Variants in ENTPD1 observed in about 807,000 individuals in gnomAD.
ENTPD1 encodes the protein ectonucleoside triphosphate diphosphohydrolase 1.
In ENTPD1, 33 loss-of-function variants were observed where a neutral mutation model predicts 57.0. The observed-to-expected ratio is 0.58, with a 90% CI of 0.44 to 0.77. The LOEUF is 0.77. ENTPD1 is among the 30% of genes least tolerant of loss of function. The pLI is 0.00. For synonymous variants in ENTPD1, 202 were observed against 218.8 expected (o/e 0.92, Z 0.68); for missense variants, 501 against 603.4 (o/e 0.83, Z 1.78).
At chr10:95,760,893 G>A (rs1432939062) in intron 1 of ENTPD1, among the ~76,000 whole-genome samples, 1 of 132,156 alleles carries the variant, frequency 7.6e-6, no homozygotes, top group African/African-American at 2.9e-5. Flanking sequence ...GCAGTGGCGC[G>A]ATCTCAGCTC....
chr10:95,835,275 C>CT (rs1385316753), intron 2 of ENTPD1, among the ~76,000 whole-genome samples: 2 of 152,146 alleles, frequency 1.3e-5, no homozygotes, highest in African/African-American at 4.8e-5. Flanking sequence ...TGATTTCATT[C>CT]TTTTTTATGG....
Position 95,876,566 on chromosome 10 carries a change from G to C in ENTPD1, c.*10183G>C. 8.1e-7 allele frequency: 1 copy of C among 1,231,004 alleles called. No homozygotes were observed. Among genetic ancestry groups the C allele is most frequent in the Non-Finnish European group, 1.0e-6 (1 of 987,572 alleles). The allele number at this position is 1,231,004 out of a possible 1,614,324, so 76.3% of individuals were successfully genotyped here. Reference sequence around the variant, plus strand: ...TCTTCTTGGAGTACTCATGAAGATGGAAGTCTACATGGAGAATACAGGATG... The same window carrying C: ...TCTTCTTGGAGTACTCATGAAGATGCAAGTCTACATGGAGAATACAGGATG... On this transcript the variant is annotated 3_prime_UTR_variant, in exon 10 of 10. Coordinates refer to ENST00000371205, the MANE Select transcript of ENTPD1 (RefSeq NM_001776.6).
At chr10:95,770,754 G>T (rs1487071239) in intron 1 of ENTPD1, among the ~76,000 whole-genome samples, 1 of 152,112 alleles carries the variant, frequency 6.6e-6, no homozygotes. Context: ...GGAGGATTAG[G>T]GCTGGGGAGG....
At chr10:95,724,995 T>C (rs1297658430) in intron 1 of ENTPD1, among the ~76,000 whole-genome samples, 1 of 152,230 alleles carries the variant, frequency 6.6e-6, no homozygotes, top group African/African-American at 2.4e-5. Context: ...TTGGGACACT[T>C]GAAATGGTCC....
At position 95,874,008 on chromosome 10, in the gene ENTPD1, T is replaced by A. The variant is rs558607967; in HGVS notation, c.*7625T>A. Among the ~76,000 whole-genome samples, 16 of 152,298 alleles carry A rather than the reference T, an allele frequency of 1.1e-4. No homozygotes were observed. Among genetic ancestry groups the A allele is most frequent in the African/African-American group, 3.4e-4 (14 of 41,558 alleles). ...CATGTGGGAATTCTGGGAGATACAA[T>A]TCAAGTTGAGATTTGGGTGGGGACA... On this transcript the variant is annotated 3_prime_UTR_variant, in exon 10 of 10. Coordinates refer to ENST00000371205, the MANE Select transcript of ENTPD1 (RefSeq NM_001776.6).
At chr10:95,727,324 A>G (rs908914557) in intron 1 of ENTPD1, among the ~76,000 whole-genome samples, 3 of 152,204 alleles carry the variant, frequency 2.0e-5, no homozygotes, top group African/African-American at 7.2e-5. Context: ...TTTATTCTCT[A>G]GAAATTTTTT....
intron 1 of ENTPD1, among the ~76,000 whole-genome samples, chr10:95,767,704 G>A (rs1360483719): frequency 6.6e-6 from 1 of 151,920 alleles, no homozygotes; most frequent in Admixed American, 6.6e-5. Flanking sequence ...AAGGGGATCA[G>A]TGTTATAAAA....
intron 1 of ENTPD1, among the ~76,000 whole-genome samples, chr10:95,765,295 T>G (rs2098084323): frequency 6.6e-6 from 1 of 152,250 alleles, no homozygotes; most frequent in Non-Finnish European, 1.5e-5. Flanking sequence ...CATCTATATT[T>G]TCTTCAAAGA....
intron 7 of ENTPD1, among the ~76,000 whole-genome samples, chr10:95,852,644 C>T (rs11498722): frequency 0.15 from 23,489 of 152,178 alleles, 2,296 homozygotes; most frequent in African/African-American, 0.26. Context: ...CAGCTTTCTA[C>T]GTATGGCTAG....
At chr10:95,863,188 AAGG>A (rs1405523908) in intron 8 of ENTPD1, among the ~76,000 whole-genome samples, 2 of 152,186 alleles carry the variant, frequency 1.3e-5, no homozygotes, top group Non-Finnish European at 2.9e-5. Flanking sequence ...AGATTTCCAG[AAGG>A]AGGAGGGGAA....
chr10:95,781,448 T>C (rs10786234), intron 1 of ENTPD1, among the ~76,000 whole-genome samples: 76,284 of 151,936 alleles, frequency 0.5, 19,646 homozygotes, highest in Admixed American at 0.6. Context: ...AAGAGTATAA[T>C]TGGATTGTAA....
At chr10:95,701,013 C>T in the ENTPD1 span, among the ~76,000 whole-genome samples, 5 of 152,110 alleles carry the variant, frequency 3.3e-5, no homozygotes, top group Non-Finnish European at 4.4e-5. Flanking sequence ...AGGCTGGTCT[C>T]GAACTCCTGG....
chr10:95,847,809 A>G (rs1276621680), intron 7 of ENTPD1, 103 bp downstream of exon 7: 13 of 1,542,910 alleles, frequency 8.4e-6, no homozygotes, highest in Non-Finnish European at 1.2e-5. Context: ...CTCTTACATA[A>G]TGTCTTGAGG....
intron 1 of ENTPD1, among the ~76,000 whole-genome samples, chr10:95,730,830 C>A (rs1311317770): frequency 6.6e-6 from 1 of 152,204 alleles, no homozygotes; most frequent in Non-Finnish European, 1.5e-5. Flanking sequence ...TATACTAATA[C>A]CTCACACTTG....
intron 1 of ENTPD1, among the ~76,000 whole-genome samples, chr10:95,773,633 A>G (rs2098123196): frequency 6.6e-6 from 1 of 152,170 alleles, no homozygotes; most frequent in African/African-American, 2.4e-5. Flanking sequence ...CTTTAACAAG[A>G]GAGTCATCCT....
chr10:95,706,161 TATTA>T, the ENTPD1 span, among the ~76,000 whole-genome samples: 11 of 152,332 alleles, frequency 7.2e-5, no homozygotes, highest in Admixed American at 2.0e-4. Context: ...GAACATATTA[TATTA>T]ATTCATTTAT....
intron 1 of ENTPD1, among the ~76,000 whole-genome samples, chr10:95,724,185 A>AAG (rs2097981152): frequency 6.7e-6 from 1 of 149,014 alleles, no homozygotes; most frequent in Non-Finnish European, 1.5e-5. Context: ...AAAAAAAAAA[A>AAG]AGCCCTTTCC....
At chr10:95,743,681 T>G (rs1204108101) in intron 1 of ENTPD1, among the ~76,000 whole-genome samples, 1 of 152,134 alleles carries the variant, frequency 6.6e-6, no homozygotes, top group Non-Finnish European at 1.5e-5. Context: ...TGGTTCTATT[T>G]TATTGTTCAA....
At chr10:95,865,523 C>A (rs1271713035) in intron 9 of ENTPD1, among the ~76,000 whole-genome samples, 3 of 152,160 alleles carry the variant, frequency 2.0e-5, no homozygotes, top group African/African-American at 7.2e-5. Flanking sequence ...AAACATTTTA[C>A]CCCCTGTATT....
Sources: gnomAD v4.1 joint callset for allele counts (sites outside exome capture counted in the v4.1 genomes callset) on GRCh38, gnomAD v4.1.1 for gene constraint, MANE v1.5 for transcripts, NCBI Gene and HGNC (gene_info 2026-07-23, HGNC 2026-07-21) for gene names.